The following LIPN variants were observed in gnomAD, a reference collection of about 807,000 sequenced individuals.
LIPN encodes the protein lipase member N.
In LIPN, 32 loss-of-function variants were observed where a neutral mutation model predicts 43.7. That is an observed-to-expected ratio of 0.73 (90% CI 0.55 to 0.98). The LOEUF (loss-of-function observed/expected upper bound fraction) is 0.98. LIPN is among the 50% of genes least tolerant of loss of function. The probability of loss-of-function intolerance (pLI) is 0.00; values close to 1 mark genes in which losing one functional copy is unlikely to be tolerated. For missense variants in LIPN, 505 were observed against 483.8 expected, an observed-to-expected ratio of 1.04 and a Z score of -0.41; for synonymous variants, 156 against 157.6, an observed-to-expected ratio of 0.99 and a Z score of 0.08.
At chr10:88,765,634 T>C (rs1282367361) in intron 4 of LIPN, among the ~76,000 whole-genome samples, 2 of 151,912 alleles carry the variant, frequency 1.3e-5, no homozygotes, top group African/African-American at 2.4e-5. Flanking sequence ...ACTAGTACTA[T>C]GGAATATTGG....
intron 1 of LIPN, among the ~76,000 whole-genome samples, chr10:88,760,609 C>G (rs1842981615): frequency 6.6e-6 from 1 of 152,112 alleles, no homozygotes; most frequent in Non-Finnish European, 1.5e-5. Context: ...AGAACTTACA[C>G]TGCACTAAAT....
chr10:88,771,741 T>C (rs1391683154), intron 7 of LIPN, among the ~76,000 whole-genome samples: 1 of 144,774 alleles, frequency 6.9e-6, no homozygotes, highest in East Asian at 2.0e-4. Flanking sequence ...ATGGATTGAT[T>C]TCCTTTTTTT....
chr10:88,772,155 T>A (rs367603527), intron 7 of LIPN, among the ~76,000 whole-genome samples: 1 of 151,898 alleles, frequency 6.6e-6, no homozygotes, highest in South Asian at 2.1e-4. Context: ...TTCTGGTTAC[T>A]AATCCCTTGT....
intron 3 of LIPN, among the ~76,000 whole-genome samples, chr10:88,762,799 A>G (rs1193388479): frequency 6.6e-6 from 1 of 151,990 alleles, no homozygotes; most frequent in Non-Finnish European, 1.5e-5. Context: ...AGGACTGAAA[A>G]CCTTAACATC....
At chr10:88,762,487 A>G (rs1349060560) in intron 3 of LIPN, among the ~76,000 whole-genome samples, 182 bp downstream of exon 3, 1 of 152,098 alleles carries the variant, frequency 6.6e-6, no homozygotes, top group African/African-American at 2.4e-5. Context: ...ACAGACAGGA[A>G]CCTAAAAATA....
intron 4 of LIPN, 48 bp downstream of exon 4, chr10:88,764,656 A>T (rs887952308): frequency 3.6e-6 from 5 of 1,373,348 alleles, no homozygotes; most frequent in Admixed American, 4.4e-5. Context: ...AGGCAATTTA[A>T]AAAAAATAAC....
In LIPN at chr10:88,766,290, T is replaced by C. The variant is rs750706960; in HGVS notation, c.447T>C (p.Tyr149=). ...WAFSFDEMAK[Y]DLPGVIDFIV... ...GCAGTTTTGATGAAATGGCCAAATA[T>C]GATCTCCCAGGAGTAATAGACTTCA... The change falls in exon 5 of 10, where the codon TAT becomes TAC. Residue 149 remains tyrosine (Y), a synonymous_variant. Coordinates refer to ENST00000404459, the MANE Select transcript of LIPN (RefSeq NM_001102469.2). The C allele has an allele frequency of 6.1e-5, 97 of 1,601,924 alleles. 1 individual carries two copies. The highest frequency in any genetic ancestry group is 3.3e-4 in the Middle Eastern group (2 of 6,040).
At position 88,762,309 on chromosome 10, in the gene LIPN, C is replaced by A; in HGVS notation, c.226+4C>A. 2 of 1,549,820 alleles carry A rather than the reference C, an allele frequency of 1.3e-6. No homozygotes were observed. Among genetic ancestry groups the A allele is most frequent in the Non-Finnish European group, 1.8e-6 (2 of 1,127,918 alleles). On this transcript the variant is annotated splice_donor_region_variant and intron_variant, in intron 3 of 9. Coordinates refer to ENST00000404459, the MANE Select transcript of LIPN (RefSeq NM_001102469.2). ...CGAACACATGCTAGGAGCACAGGTA[C>A]AAGATATGTCTCTCCTGAAAAGGGG...
intron 6 of LIPN, 55 bp downstream of exon 6, chr10:88,768,983 T>C (rs1843159765): frequency 2.0e-6 from 3 of 1,516,898 alleles, no homozygotes; most frequent in South Asian, 1.2e-5. Context: ...TCATAAATCC[T>C]TATTATTTTC....
At chr10:88,759,328 T>C (rs868392232), upstream of LIPN, among the ~76,000 whole-genome samples, 2 of 152,256 alleles carry the variant, frequency 1.3e-5, no homozygotes, top group Non-Finnish European at 1.5e-5. Context: ...TGAAAGAGAT[T>C]CAGTTACGGC....
At chr10:88,760,806 G>A (rs1425483451) in intron 1 of LIPN, among the ~76,000 whole-genome samples, 1 of 152,106 alleles carries the variant, frequency 6.6e-6, no homozygotes, top group Non-Finnish European at 1.5e-5. Flanking sequence ...TGATGAGCAC[G>A]CTGTTTAGTG....
chr10:88,766,408 G>GT, intron 5 of LIPN, 30 bp downstream of exon 5: 3 of 1,287,700 alleles, frequency 2.3e-6, no homozygotes, highest in Non-Finnish European at 3.4e-6. Context: ...TGTTAGGTGT[G>GT]TTTTTGAGGG....
In LIPN at chr10:88,778,089, A is replaced by ACC. The variant is rs1306678891; in HGVS notation, c.1047_1048dup (p.Gln350ProfsTer43). On this transcript the variant is annotated frameshift_variant, in exon 10 of 10. Coordinates refer to ENST00000404459, the MANE Select transcript of LIPN (RefSeq NM_001102469.2). LOFTEE classifies it high-confidence loss of function. ...CTGGTGGACATGATGTCCTCGTAAC[A>ACC]CCCCAGGATGTGGCCAGGATACTCC... 1.2e-6 allele frequency: 2 copies of ACC among 1,613,282 alleles called. No homozygotes were observed. The highest frequency in any genetic ancestry group is 1.7e-5 in the Admixed American group (1 of 59,894).
chr10:88,770,878 G>T lies in LIPN; in HGVS notation c.706G>T (p.Asp236Tyr). 1 of 1,534,374 alleles carries T rather than the reference G, an allele frequency of 6.5e-7. No homozygotes were observed. The highest frequency in any genetic ancestry group is 8.8e-7 in the Non-Finnish European group (1 of 1,134,510). Residue 236 changes from aspartate (D) to tyrosine (Y), a missense_variant, in exon 7 of 10, where the codon GAT becomes TAT. Transcript: ENST00000404459. ...VFGTKGFFLE[D>Y]KKTKIASTKI... ...TGGTACCAAAGGTTTCTTTTTAGAA[G>T]ATAAGAAAACGAAGATAGCTTCTAC...
upstream of LIPN, among the ~76,000 whole-genome samples, chr10:88,758,814 A>G (rs1431739674): frequency 6.6e-6 from 1 of 152,046 alleles, no homozygotes; most frequent in Non-Finnish European, 1.5e-5. Context: ...CTCTTTTAAG[A>G]TTTGAGCTAG....
chr10:88,758,915 CAT>C (rs1242753647), upstream of LIPN, among the ~76,000 whole-genome samples: 2 of 152,176 alleles, frequency 1.3e-5, no homozygotes, highest in East Asian at 3.9e-4. Flanking sequence ...ATAATAATAA[CAT>C]AGCACTTCTA....
intron 5 of LIPN, among the ~76,000 whole-genome samples, chr10:88,768,469 G>A (rs946066537): frequency 1.3e-5 from 2 of 151,896 alleles, no homozygotes; most frequent in African/African-American, 2.4e-5. Context: ...AAATGAGAAT[G>A]TTGCCAGCAT....
rs1220762853 is a variant in LIPN at position 88,766,363 on chromosome 10, C to G, written c.520C>G (p.Leu174Val). ...GAAATTGTATTTCATTGGACATTCA[C>G]TTGGCACTACAATAGGTATGTTTAT... ...QEKLYFIGHSLGTTIGFVAFS... is the reference protein window; with the variant it reads ...QEKLYFIGHSVGTTIGFVAFS... The change falls in exon 5 of 10, where the codon CTT becomes GTT. Residue 174 changes from leucine to valine, a missense_variant. Leu to Val is a conservative substitution (Grantham distance 32, BLOSUM62 1). Transcript: ENST00000404459. 1.3e-6 allele frequency: 2 copies of G among 1,593,938 alleles called. No homozygotes were observed. The highest frequency in any genetic ancestry group is 1.3e-5 in the African/African-American group (1 of 74,438).
intron 7 of LIPN, among the ~76,000 whole-genome samples, chr10:88,773,887 G>T (rs72807350): frequency 0.051 from 7,689 of 151,872 alleles, 214 homozygotes; most frequent in South Asian, 0.082. Context: ...TCTCTATAAC[G>T]TTTACAAATA....
Sources: allele counts gnomAD v4.1 joint callset (sites outside exome capture counted in the v4.1 genomes callset), GRCh38; gene constraint gnomAD v4.1.1; transcripts MANE v1.5; gene names NCBI Gene and HGNC (gene_info 2026-07-23, HGNC 2026-07-21).